ANO7: variants seen among roughly 807,000 people sequenced by gnomAD.
ANO7 encodes anoctamin-7.
A neutral mutation model predicts 115.8 loss-of-function variants in ANO7; 114 were observed. That is an observed-to-expected ratio of 0.98 (90% CI 0.85 to 1.15). The LOEUF is 1.15. ANO7 is among the 50% of genes most tolerant of loss of function. The pLI is 0.00. For synonymous variants in ANO7, 550 were observed against 498.2 expected (o/e 1.10, Z -1.38); for missense variants, 1,302 against 1,201.2 (o/e 1.08, Z -1.24).
In ANO7 at chr2:241,210,575, G is replaced by C; in HGVS notation, c.1561+5G>C. 1.2e-6 allele frequency: 2 copies of C among 1,612,934 alleles called. No homozygotes were observed. Among genetic ancestry groups the C allele is most frequent in the Non-Finnish European group, 1.7e-6 (2 of 1,179,570 alleles). On this transcript the variant is annotated splice_donor_5th_base_variant and intron_variant, in intron 15 of 24. Transcript: ENST00000674324. The stretch of plus-strand genomic sequence containing the variant: ...CCCACGTCCTGACACGATGGGGTGA[G>C]TGGGCTGAGGCCGGCCAGGCACTGA...
chr2:241,194,018 G>A (rs2068261544), intron 3 of ANO7, among the ~76,000 whole-genome samples: 1 of 152,174 alleles, frequency 6.6e-6, no homozygotes, highest in Admixed American at 6.5e-5. Flanking sequence ...TGGGATTACA[G>A]GCATGTGCCA....
Position 241,203,109 on chromosome 2 carries a change from G to A in ANO7, c.724-224G>A, listed in dbSNP as rs566347806. Among the ~76,000 whole-genome samples the A allele has an allele frequency of 6.6e-6, 1 of 152,240 alleles. No homozygotes were observed. Among genetic ancestry groups the A allele is most frequent in the South Asian group, 2.1e-4 (1 of 4,828 alleles). On this transcript the variant is annotated intron_variant, in intron 8 of 24. Coordinates refer to ENST00000674324, the MANE Select transcript of ANO7 (RefSeq NM_001370694.2). The surrounding 1 kb of genome is among the most constrained non-coding windows in gnomAD (Gnocchi z 4.8). ...CCCTTCCCCGCCCTGAACCCTCGAA[G>A]TCCAGGAGTCAGAGGGGCCTCACCA...
chr2:241,229,949 C>G, downstream of ANO7: 1 of 1,600,730 alleles, frequency 6.2e-7, no homozygotes, highest in Non-Finnish European at 8.5e-7. Context: ...TCACTGTCCA[C>G]CACGTCAGCT....
At chr2:241,218,880 T>C (rs900998989) in intron 21 of ANO7, among the ~76,000 whole-genome samples, 1 of 152,206 alleles carries the variant, frequency 6.6e-6, no homozygotes, top group African/African-American at 2.4e-5. Flanking sequence ...AGTTTTACGG[T>C]GCTTTCTCAT....
the ANO7 span, chr2:241,239,583 C>G: frequency 6.2e-7 from 1 of 1,606,956 alleles, no homozygotes; most frequent in Non-Finnish European, 8.5e-7. The surrounding 1 kb of genome is among the most constrained non-coding windows in gnomAD (Gnocchi z 4.6). Context: ...AACCCCTCCC[C>G]GAGCACCCAA....
rs1261352542 is a variant in ANO7, at chr2:241,214,715, C to T, written c.1729-90C>T. 1.4e-5 allele frequency: 17 copies of T among 1,214,146 alleles called. No homozygotes were observed. In the East Asian group the frequency reaches 1.9e-4, roughly 14 times the overall value. 75.2% of individuals were successfully genotyped at this position (1,214,146 alleles called of 1,614,324 possible). A position where few individuals can be genotyped will look rare whatever the true frequency, so the allele number is the denominator to read the frequency against. On this transcript the variant is annotated intron_variant, in intron 17 of 24. Coordinates refer to ENST00000674324, the MANE Select transcript of ANO7 (RefSeq NM_001370694.2). ...GGCATGTCAGGAGGGAGGTGGGGGC[C>T]GGGATGAGGGCCAGCTTTGAGACAA...
At chr2:241,236,430 T>A in the ANO7 span, 1 of 627,382 alleles carries the variant, frequency 1.6e-6, no homozygotes, top group Admixed American at 2.9e-5. Context: ...TGAAGGGAAG[T>A]GGCCTCCCCA....
chr2:241,230,137 G>C (rs559190238), downstream of ANO7: 1 of 1,602,644 alleles, frequency 6.2e-7, no homozygotes, highest in African/African-American at 1.3e-5. The surrounding 1 kb of genome is among the most constrained non-coding windows in gnomAD (Gnocchi z 5.0). Flanking sequence ...GGGCTCCAAG[G>C]CCCACAGAGA....
chr2:241,233,892 C>T, the ANO7 span: 2 of 1,614,034 alleles, frequency 1.2e-6, 1 homozygote, highest in South Asian at 2.2e-5. The surrounding 1 kb of genome is among the most constrained non-coding windows in gnomAD (Gnocchi z 4.3). Context: ...TAATTACTGC[C>T]CCCTTTCTCC....
At chr2:241,214,214 G>A (rs547750235) in intron 17 of ANO7, among the ~76,000 whole-genome samples, 1 of 152,352 alleles carries the variant, frequency 6.6e-6, no homozygotes, top group African/African-American at 2.4e-5. Context: ...GAACCCAGGA[G>A]GTGGAGGCTG....
chr2:241,217,407 C>T (rs1574793111), intron 19 of ANO7, among the ~76,000 whole-genome samples: 1 of 152,262 alleles, frequency 6.6e-6, no homozygotes, highest in African/African-American at 2.4e-5. Flanking sequence ...TCTGCCCCAA[C>T]GCCTGCCCTG....
chr2:241,236,695 G>A, the ANO7 span: 1 of 1,614,022 alleles, frequency 6.2e-7, no homozygotes, highest in Admixed American at 1.7e-5. Flanking sequence ...GGAGAGCCGG[G>A]GTCACAATCT....
At chr2:241,238,327 C>T in the ANO7 span, 58 of 194,448 alleles carry the variant, frequency 3.0e-4, no homozygotes, top group Non-Finnish European at 4.5e-4. This position sits in a 1 kb window ranked among gnomAD's most constrained non-coding sequence, Gnocchi z 4.9. Flanking sequence ...GGGGCTCATG[C>T]GATCCAAACG....
chr2:241,223,605 C>T (rs1178775938), intron 22 of ANO7, 57 bp from the exon 23 acceptor site: 1 of 1,591,836 alleles, frequency 6.3e-7, no homozygotes, highest in East Asian at 2.3e-5. Flanking sequence ...CCTGCCTGGC[C>T]CTGTGAAGGC....
At chr2:241,210,228 A>G (rs946868445) in intron 13 of ANO7, 67 bp from the exon 14 acceptor site, 5 of 1,509,360 alleles carry the variant, frequency 3.3e-6, no homozygotes, top group Non-Finnish European at 4.6e-6. Context: ...GTCGGGGGCC[A>G]TGGCCTGAGG....
chr2:241,224,728 C>T lies in ANO7; in HGVS notation c.*575C>T, dbSNP rs1365369388. The T allele has an allele frequency of 1.3e-5, 2 of 153,070 alleles. No homozygotes were observed. The highest frequency in any genetic ancestry group is 2.9e-5 in the Non-Finnish European group (2 of 68,708). The allele number at this position is 153,070 out of a possible 1,614,324, so 9.5% of individuals were successfully genotyped here. A position where few individuals can be genotyped will look rare whatever the true frequency, so the allele number is the denominator to read the frequency against. On this transcript the variant is annotated 3_prime_UTR_variant, in exon 25 of 25. Transcript: ENST00000674324. ...TCCCTCCATTCCCAGTTATCTGGGT[C>T]CTCTGGATTCTTCTGTTTCTTGAAT...
downstream of ANO7, chr2:241,227,731 C>T (rs11897278): frequency 0.015 from 2,308 of 152,624 alleles, 63 homozygotes; most frequent in African/African-American, 0.053. Flanking sequence ...AGGAGGAACC[C>T]GCTGCGATGG....
rs1047430176 is a variant in ANO7 at position 241,210,288 on chromosome 2, C to T, written c.1360-7C>T. On this transcript the variant is annotated splice_region_variant and splice_polypyrimidine_tract_variant and intron_variant, in intron 13 of 24. Transcript: ENST00000674324. ...GAAGGGTCTCACGGGCCTCCCTGCC[C>T]CCGCAGGTGGCCGTGGTGGTCATGT... The T allele has an allele frequency of 6.2e-7, 1 of 1,613,710 alleles. No homozygotes were observed. The highest frequency in any genetic ancestry group is 1.3e-5 in the African/African-American group (1 of 75,056).
At chr2:241,223,469 G>A in intron 22 of ANO7, 193 bp downstream of exon 22, 1 of 1,038,058 alleles carries the variant, frequency 9.6e-7, no homozygotes, top group Admixed American at 2.1e-5. Context: ...TGGACATTGT[G>A]GGTGTCTCCA....
Sources: allele counts gnomAD v4.1 joint callset (sites outside exome capture counted in the v4.1 genomes callset), GRCh38; gene constraint gnomAD v4.1.1; non-coding constraint Gnocchi (gnomAD v3.1); transcripts MANE v1.5; gene names NCBI Gene and HGNC (gene_info 2026-07-23, HGNC 2026-07-21).